Variants in PLP1 observed in about 807,000 individuals in gnomAD.
The protein encoded by PLP1 is proteolipid protein 1, also known as myelin proteolipid protein.
In PLP1, 2 loss-of-function variants were observed where a neutral mutation model predicts 18.5. The ratio of observed to expected loss-of-function variants is 0.11; its 90% CI spans 0.04 to 0.34. PLP1 has a LOEUF of 0.34. PLP1 is among the 10% of genes least tolerant of loss of function. PLP1 has a pLI of 1.00. For synonymous variants in PLP1, 86 were observed against 83.2 expected (o/e 1.03, Z -0.19); for missense variants, 105 against 207.3 (o/e 0.51, Z 3.03).
chrX:103,783,742 T>C (rs1449089589), intron 1 of PLP1, among the ~76,000 whole-genome samples: 2 of 111,772 alleles, frequency 1.8e-5, no homozygotes, highest in Non-Finnish European at 1.9e-5. Flanking sequence ...TGGTACCCTA[T>C]AGAAAAGTGA....
At chrX:103,788,318 T>C in intron 4 of PLP1, 119 bp from the exon 5 acceptor site, 1 of 607,103 alleles carries the variant, frequency 1.6e-6, no homozygotes, top group Non-Finnish European at 2.9e-6. Flanking sequence ...TGATTGTTGG[T>C]AGAATCCAAC....
At chrX:103,787,163 A>G (rs1290096241) in intron 3 of PLP1, among the ~76,000 whole-genome samples, 1 of 111,541 alleles carries the variant, frequency 9.0e-6, no homozygotes, top group Non-Finnish European at 1.9e-5. Flanking sequence ...TGAAATTTAC[A>G]ATGTTCTGGG....
At position 103,787,901 on chromosome X, in the gene PLP1, C is replaced by G; in HGVS notation, c.557C>G (p.Ser186Cys). ...TTCAACACCTGGACCACCTGCCAGT[C>G]TATTGCCTTCCCCAGCAAGACCTCT... ...IYFNTWTTCQ[S>C]IAFPSKTSAS... Residue 186 changes from serine to cysteine, a missense_variant, in exon 4 of 7, where the codon TCT becomes TGT. Ser to Cys is a moderately radical substitution (Grantham distance 112). Coordinates refer to ENST00000621218, the MANE Select transcript of PLP1 (RefSeq NM_000533.5). The G allele has an allele frequency of 8.3e-7, 1 of 1,209,220 alleles. No homozygotes were observed. The highest frequency in any genetic ancestry group is 1.1e-6 in the Non-Finnish European group (1 of 892,989).
chrX:103,790,303 C>T (rs1048793753), intron 6 of PLP1, among the ~76,000 whole-genome samples: 2 of 112,773 alleles, frequency 1.8e-5, no homozygotes, highest in Non-Finnish European at 3.7e-5. Flanking sequence ...ATTTGATTCT[C>T]TGGGCCTGGG....
chrX:103,788,650 T>A, intron 5 of PLP1, 140 bp downstream of exon 5: 1 of 578,858 alleles, frequency 1.7e-6, no homozygotes, highest in Non-Finnish European at 3.1e-6. Flanking sequence ...ACATGTTGGC[T>A]AAGTGTGCCT....
chrX:103,781,979 C>G (rs1279383597), intron 1 of PLP1, among the ~76,000 whole-genome samples: 1 of 65 alleles, frequency 0.015, no homozygotes, highest in Non-Finnish European at 0.023. Context: ...CACACATACC[C>G]AAGGGACATT....
chrX:103,779,741 A>G (rs2074437304), intron 1 of PLP1: 1 of 111,761 alleles, frequency 8.9e-6, no homozygotes, highest in Non-Finnish European at 1.9e-5. Context: ...TAACAACCTC[A>G]ACCCTGGGAG....
chrX:103,786,497 C>T lies in PLP1; in HGVS notation c.224C>T (p.Thr75Ile). The change falls in exon 3 of 7, where the codon ACT becomes ATT. Residue 75 changes from threonine (T) to isoleucine (I), a missense_variant. By Grantham distance (89) the Thr-to-Ile change is moderately conservative. Transcript: ENST00000621218. ...GCCTTCCAGTATGTCATCTATGGAA[C>T]TGCCTCTTTCTTCTTCCTTTATGGG... ...IHAFQYVIYG[T>I]ASFFFLYGAL... is the part of the protein sequence containing the mutation. 1 of 1,208,964 alleles carries T rather than the reference C, an allele frequency of 8.3e-7. No homozygotes were observed. Among genetic ancestry groups the T allele is most frequent in the East Asian group, 3.0e-5 (1 of 33,819 alleles).
At chrX:103,782,477 TAAG>T (rs2074461188) in intron 1 of PLP1, among the ~76,000 whole-genome samples, 1 of 111,940 alleles carries the variant, frequency 8.9e-6, no homozygotes, top group African/African-American at 3.3e-5. Flanking sequence ...TATCACCCAG[TAAG>T]AACACAATCC....
At position 103,790,670 on chromosome X, in the gene PLP1, T is replaced by A; in HGVS notation, c.*72T>A. 1.3e-6 allele frequency: 1 copy of A among 795,824 alleles called. No individual in the cohort carries two copies. Among genetic ancestry groups the A allele is most frequent in the Admixed American group, 2.2e-5 (1 of 45,477 alleles). The allele number at this position is 795,824 out of a possible 1,213,427, so 65.6% of individuals were successfully genotyped here. A position where few individuals can be genotyped will look rare whatever the true frequency, so the allele number is the denominator to read the frequency against. ...ACAGCCTACAATGCTGCGTCTCCCA[T>A]CTTAACTCTTTGCCTTTGCCACCAA... On this transcript the variant is annotated 3_prime_UTR_variant, in exon 7 of 7. Coordinates refer to ENST00000621218, the MANE Select transcript of PLP1 (RefSeq NM_000533.5).
chrX:103,786,201 G>A, intron 2 of PLP1: 2 of 1,135,359 alleles, frequency 1.8e-6, no homozygotes, highest in South Asian at 1.9e-5. Flanking sequence ...GTGGGGCAGG[G>A]AGAGTAGGTC....
intron 2 of PLP1, 79 bp from the exon 3 acceptor site, chrX:103,786,386 A>C: frequency 9.1e-7 from 1 of 1,099,052 alleles, no homozygotes; most frequent in Non-Finnish European, 1.3e-6. Flanking sequence ...TCTGGTGTAT[A>C]CCTCACTTAT....
At position 103,776,873 on chromosome X, in the gene PLP1, C is replaced by T. The variant is rs2074414712; in HGVS notation, c.-123C>T. On this transcript the variant is annotated 5_prime_UTR_variant, in exon 1 of 7. Coordinates refer to ENST00000621218, the MANE Select transcript of PLP1 (RefSeq NM_000533.5). Reference sequence around the variant, plus strand: ...TGCAGGAGAAGAGGACAAAGATACTCAGAGAGAAAAAGTAAAAGACCGAAG... The same window carrying T: ...TGCAGGAGAAGAGGACAAAGATACTTAGAGAGAAAAAGTAAAAGACCGAAG... 4 of 683,501 alleles carry T rather than the reference C, an allele frequency of 5.9e-6. No homozygotes were observed. The Admixed American group carries it at 1.1e-4, about 18-fold the overall frequency. 56.3% of individuals were successfully genotyped at this position (683,501 alleles called of 1,213,427 possible).
At chrX:103,784,302 G>T (rs1203002295) in intron 1 of PLP1, among the ~76,000 whole-genome samples, 2 of 111,673 alleles carry the variant, frequency 1.8e-5, no homozygotes, top group Non-Finnish European at 3.8e-5. Context: ...GTGCCAGAAA[G>T]ATGTTTCATG....
chrX:103,779,196 T>C (rs2074433250), intron 1 of PLP1, among the ~76,000 whole-genome samples: 1 of 112,478 alleles, frequency 8.9e-6, no homozygotes, highest in South Asian at 3.7e-4. Flanking sequence ...TAGCTGATTA[T>C]TCTCTGCTCT....
At chrX:103,780,439 CTG>C (rs1211292879) in intron 1 of PLP1, among the ~76,000 whole-genome samples, 49 of 102,355 alleles carry the variant, frequency 4.8e-4, no homozygotes, top group East Asian at 2.0e-3. Context: ...CTGTCTCTCT[CTG>C]TGTGTGTGTG....
At chrX:103,785,794 C>G (rs770461324) in intron 2 of PLP1, 26 bp downstream of exon 2, 2 of 1,154,350 alleles carry the variant, frequency 1.7e-6, no homozygotes, top group Non-Finnish European at 2.4e-6. Flanking sequence ...CCCACACAGA[C>G]CCATCTTTTT....
Position 103,786,667 on chromosome X carries a change from G to A in PLP1, c.394G>A (p.Ala132Thr). Residue 132 changes from alanine to threonine, a missense_variant, in exon 3 of 7, where the codon GCT becomes ACT. Physicochemically the swap from Ala to Thr is moderately conservative, Grantham distance 58. Coordinates refer to ENST00000621218, the MANE Select transcript of PLP1 (RefSeq NM_000533.5). ...KGRGSRGQHQ[A>T]HSLERVCHCL... ...GAGGGGTTCCAGAGGCCAACATCAA[G>A]CTCATTCTTTGGAGCGGGTGTGTCA... 8.3e-7 allele frequency: 1 copy of A among 1,211,368 alleles called. No homozygotes were observed. The highest frequency in any genetic ancestry group is 1.1e-6 in the Non-Finnish European group (1 of 895,125).
At chrX:103,789,723 T>C (rs1298079999) in intron 6 of PLP1, among the ~76,000 whole-genome samples, 1 of 112,106 alleles carries the variant, frequency 8.9e-6, no homozygotes, top group African/African-American at 3.2e-5. Flanking sequence ...TCTCAATACA[T>C]TTTGATCAGA....
Sources: gnomAD v4.1 joint callset for allele counts (sites outside exome capture counted in the v4.1 genomes callset) on GRCh38, gnomAD v4.1.1 for gene constraint, MANE v1.5 for transcripts, NCBI Gene and HGNC (gene_info 2026-07-23, HGNC 2026-07-21) for gene names.